ZC2HC1A: variants seen among roughly 807,000 people sequenced by gnomAD.
ZC2HC1A encodes zinc finger C2HC-type containing 1A, also known as zinc finger C2HC domain-containing protein 1A.
Under a neutral mutation model 40.7 loss-of-function variants are expected in ZC2HC1A, and 28 were observed. The observed-to-expected ratio is 0.69, with a 90% CI of 0.51 to 0.94. ZC2HC1A has a LOEUF of 0.94. Ranked by LOEUF, ZC2HC1A falls within the 40% of genes least tolerant of loss-of-function variation. The probability of loss-of-function intolerance (pLI) is 0.00; values close to 1 mark genes in which losing one functional copy is unlikely to be tolerated. For synonymous variants in ZC2HC1A, 129 were observed against 129.2 expected (o/e 1.00, Z 0.01); for missense variants, 389 against 386.3 (o/e 1.01, Z -0.06).
At chr8:78,697,859 T>A (rs1381417640) in intron 6 of ZC2HC1A, among the ~76,000 whole-genome samples, 1 of 152,040 alleles carries the variant, frequency 6.6e-6, no homozygotes, top group African/African-American at 2.4e-5. Flanking sequence ...TTTGTATTTT[T>A]AATAGAGATG....
chr8:78,706,213 G>A (rs1810767112), intron 7 of ZC2HC1A, among the ~76,000 whole-genome samples: 1 of 152,170 alleles, frequency 6.6e-6, no homozygotes. Flanking sequence ...GGAATTCCAA[G>A]CCAGTGGGTC....
intron 7 of ZC2HC1A, among the ~76,000 whole-genome samples, chr8:78,712,355 A>G (rs749812432): frequency 2.0e-5 from 3 of 152,100 alleles, no homozygotes; most frequent in African/African-American, 7.2e-5. Flanking sequence ...TGAGGTTTCA[A>G]ATTGCAGTCA....
At chr8:78,683,933 A>G (rs925122955) in intron 3 of ZC2HC1A, among the ~76,000 whole-genome samples, 1 of 152,184 alleles carries the variant, frequency 6.6e-6, no homozygotes, top group African/African-American at 2.4e-5. Context: ...AACAAGAATC[A>G]CCTTTGCTCC....
In ZC2HC1A at chr8:78,717,468, G is replaced by T; in HGVS notation, c.953G>T (p.Cys318Phe). The T allele has an allele frequency of 1.3e-6, 2 of 1,589,310 alleles. No homozygotes were observed. The highest frequency in any genetic ancestry group is 1.7e-6 in the Non-Finnish European group (2 of 1,172,740). ...PVEWAKFCCECGIRRMIL is the reference protein window; with the variant it reads ...PVEWAKFCCEFGIRRMIL ...GAATGGGCCAAATTTTGCTGTGAAT[G>T]TGGCATTCGAAGAATGATTCTATGA... is the stretch of plus-strand genomic sequence containing the variant. Residue 318 changes from cysteine to phenylalanine, a missense_variant, in exon 9 of 9, where the codon TGT (cysteine) becomes TTT (phenylalanine). Physicochemically the swap from Cys to Phe is radical, Grantham distance 205. Coordinates refer to ENST00000263849, the MANE Select transcript of ZC2HC1A (RefSeq NM_016010.3).
chr8:78,696,892 G>C (rs1433610556), intron 5 of ZC2HC1A, among the ~76,000 whole-genome samples: 1 of 152,140 alleles, frequency 6.6e-6, no homozygotes, highest in Non-Finnish European at 1.5e-5. Flanking sequence ...CACCATAGCT[G>C]TTTCTAAGTT....
At chr8:78,666,287 C>A in intron 1 of ZC2HC1A, 123 bp downstream of exon 1, 1 of 1,478,534 alleles carries the variant, frequency 6.8e-7, no homozygotes, top group Non-Finnish European at 9.2e-7. Context: ...CGCGTCCCGC[C>A]GCGCCTCCGG....
intron 4 of ZC2HC1A, among the ~76,000 whole-genome samples, chr8:78,688,563 T>C (rs1810101868): frequency 6.6e-6 from 1 of 152,162 alleles, no homozygotes; most frequent in African/African-American, 2.4e-5. Flanking sequence ...ATTTAGTTAT[T>C]TTACAATGCT....
At chr8:78,713,168 T>C (rs1811000846) in intron 7 of ZC2HC1A, among the ~76,000 whole-genome samples, 1 of 152,154 alleles carries the variant, frequency 6.6e-6, no homozygotes, top group African/African-American at 2.4e-5. Context: ...AGGTAGATTC[T>C]AGATACAGAG....
At chr8:78,691,889 T>C (rs564879075) in intron 5 of ZC2HC1A, among the ~76,000 whole-genome samples, 1 of 152,284 alleles carries the variant, frequency 6.6e-6, no homozygotes, top group South Asian at 2.1e-4. Context: ...GCCTTATTTA[T>C]ATATTTATTG....
chr8:78,678,543 G>A lies in ZC2HC1A; in HGVS notation c.94-20G>A. On this transcript the variant is annotated intron_variant, in intron 2 of 8. Transcript: ENST00000263849. The stretch of plus-strand genomic sequence containing the variant: ...TCTGTAGAAAAGAAAATGATAGGCT[G>A]CATTTCTTTATCTTAACAGAAAAAA... 1 of 1,569,864 alleles carries A rather than the reference G, an allele frequency of 6.4e-7. No homozygotes were observed. The highest frequency in any genetic ancestry group is 8.7e-7 in the Non-Finnish European group (1 of 1,151,768).
At chr8:78,675,900 G>C (rs758234109) in intron 2 of ZC2HC1A, 37 bp downstream of exon 2, 2 of 1,545,402 alleles carry the variant, frequency 1.3e-6, no homozygotes, top group Admixed American at 1.7e-5. Flanking sequence ...TGGTTTTACA[G>C]ATCTGTAATT....
chr8:78,691,180 A>G (rs1313081083), intron 5 of ZC2HC1A, among the ~76,000 whole-genome samples: 1 of 152,162 alleles, frequency 6.6e-6, no homozygotes, highest in East Asian at 1.9e-4. Context: ...GTTTTTCACC[A>G]TTGTGTATGA....
intron 5 of ZC2HC1A, among the ~76,000 whole-genome samples, 190 bp downstream of exon 5, chr8:78,689,563 G>T (rs1810141766): frequency 6.6e-6 from 1 of 151,856 alleles, no homozygotes; most frequent in Non-Finnish European, 1.5e-5. Context: ...AGCTAATTGT[G>T]TATAGTGTGA....
At chr8:78,687,860 ATATCTATATAATAAATATATATT>A (rs1810068582) in intron 4 of ZC2HC1A, among the ~76,000 whole-genome samples, 1 of 115,502 alleles carries the variant, frequency 8.7e-6, no homozygotes, top group Non-Finnish European at 1.8e-5. Context: ...TATATAATAT[ATATCTATATAATAAATATATATT>A]TATATAATAA....
chr8:78,714,037 A>G (rs900620283), intron 7 of ZC2HC1A, among the ~76,000 whole-genome samples: 1 of 152,176 alleles, frequency 6.6e-6, no homozygotes, highest in Non-Finnish European at 1.5e-5. Flanking sequence ...AGAGTAAGAA[A>G]AATTTCAACT....
intron 3 of ZC2HC1A, among the ~76,000 whole-genome samples, chr8:78,682,156 T>C (rs961589449): frequency 2.2e-4 from 33 of 152,186 alleles, no homozygotes; most frequent in South Asian, 2.1e-4. Context: ...AAAATAAATC[T>C]TTGTAGCATG....
In ZC2HC1A at chr8:78,691,698, A is replaced by G. The variant is rs1274517049; in HGVS notation, c.504+2325A>G. ...ATTTCATTTTCTTTTTTGGCTTTCT[A>G]GCTGTAATTCTTTGCATTTTTGAAA... is the stretch of plus-strand genomic sequence containing the variant. On this transcript the variant is annotated intron_variant, in intron 5 of 8. Transcript: ENST00000263849. Among the ~76,000 whole-genome samples the G allele has an allele frequency of 2.6e-5, 4 of 152,002 alleles. No homozygotes were observed. The East Asian group carries it at 7.7e-4, about 29-fold the overall frequency.
intron 1 of ZC2HC1A, 66 bp from the exon 2 acceptor site, chr8:78,675,721 A>G (rs1809556934): frequency 1.4e-6 from 2 of 1,404,784 alleles, no homozygotes; most frequent in Admixed American, 4.0e-5. Flanking sequence ...AAGAGAAAAC[A>G]TTAAAATGTG....
At chr8:78,676,700 C>A (rs1345660853) in intron 2 of ZC2HC1A, among the ~76,000 whole-genome samples, 1 of 151,956 alleles carries the variant, frequency 6.6e-6, no homozygotes. Flanking sequence ...ACTGTAGGCA[C>A]CTTTTAAATA....
Sources: allele counts gnomAD v4.1 joint callset (sites outside exome capture counted in the v4.1 genomes callset), GRCh38; gene constraint gnomAD v4.1.1; transcripts MANE v1.5; gene names NCBI Gene and HGNC (gene_info 2026-07-23, HGNC 2026-07-21).